Variants in ASTN2 observed in about 807,000 individuals in gnomAD.
ASTN2 encodes the protein astrotactin-2.
Under a neutral mutation model 139.8 loss-of-function variants are expected in ASTN2, and 54 were observed. That is an observed-to-expected ratio of 0.39 (90% CI 0.31 to 0.48). ASTN2 has a LOEUF of 0.48. Ranked by LOEUF, ASTN2 falls within the 20% of genes least tolerant of loss-of-function variation. The pLI is 0.95. For synonymous variants in ASTN2, 756 were observed against 719.5 expected, an observed-to-expected ratio of 1.05 and a Z score of -0.81; for missense variants, 1,565 against 1,725.1, an observed-to-expected ratio of 0.91 and a Z score of 1.64.
intron 11 of ASTN2, among the ~76,000 whole-genome samples, chr9:116,846,980 G>A (rs1316491583): frequency 8.3e-6 from 1 of 120,052 alleles, no homozygotes; most frequent in Admixed American, 1.1e-4. Context: ...CTGTCTTCCA[G>A]GAATTATAAA....
intron 4 of ASTN2, among the ~76,000 whole-genome samples, chr9:117,097,663 G>T (rs1453133303): frequency 6.6e-6 from 1 of 152,080 alleles, no homozygotes; most frequent in Non-Finnish European, 1.5e-5. Flanking sequence ...TAAACTCTTT[G>T]CATCTTTTCA....
chr9:116,989,375 T>A (rs1014556220), intron 7 of ASTN2, among the ~76,000 whole-genome samples: 1 of 152,102 alleles, frequency 6.6e-6, no homozygotes, highest in East Asian at 1.9e-4. Flanking sequence ...AGCTGGATTG[T>A]GTGCTCTTTC....
chr9:117,231,643 A>G (rs1298541925), intron 2 of ASTN2, among the ~76,000 whole-genome samples: 1 of 152,190 alleles, frequency 6.6e-6, no homozygotes, highest in Non-Finnish European at 1.5e-5. Context: ...CCAAGAAGCC[A>G]ACGGTTTAAG....
At position 117,181,122 on chromosome 9, in the gene ASTN2, C is replaced by A. The variant is rs1353231143; in HGVS notation, c.1015+33236G>T. 5 of 866,054 alleles carry A rather than the reference C, an allele frequency of 5.8e-6. No individual in the cohort carries two copies. In the East Asian group the frequency reaches 7.2e-5, roughly 13 times the overall value. 53.6% of individuals were successfully genotyped at this position (866,054 alleles called of 1,614,324 possible). A position where few individuals can be genotyped will look rare whatever the true frequency, so the allele number is the denominator to read the frequency against. On this transcript the variant is annotated intron_variant, in intron 3 of 22. Coordinates refer to ENST00000313400, the MANE Select transcript of ASTN2 (RefSeq NM_001365068.1). ...TACAACAAACAGGCTGCATACACTACCAAGAAAGCTGCTGTTTGCAGCCAT... is the reference window on the plus strand; with the variant it reads ...TACAACAAACAGGCTGCATACACTAACAAGAAAGCTGCTGTTTGCAGCCAT...
At chr9:116,669,364 A>G (rs1859054737) in intron 16 of ASTN2, among the ~76,000 whole-genome samples, 1 of 152,202 alleles carries the variant, frequency 6.6e-6, no homozygotes, top group Non-Finnish European at 1.5e-5. Flanking sequence ...CTACACTTCA[A>G]TAAAAGTTGC....
Position 117,113,148 on chromosome 9 carries a change from T to C in ASTN2, c.1169-16997A>G, listed in dbSNP as rs545620106. On this transcript the variant is annotated intron_variant, in intron 4 of 22. Transcript: ENST00000313400. The stretch of plus-strand genomic sequence containing the variant: ...CATTTACTGCAGATGAAAACATGCA[T>C]CATGTATCCACTTTGGAAAAAAACC... Among the ~76,000 whole-genome samples, 3 of 152,262 alleles carry C rather than the reference T, an allele frequency of 2.0e-5. No individual in the cohort carries two copies. In the South Asian group the frequency reaches 6.2e-4, roughly 32 times the overall value.
intron 10 of ASTN2, among the ~76,000 whole-genome samples, chr9:116,894,690 T>C (rs911612435): frequency 1.3e-5 from 2 of 152,178 alleles, no homozygotes; most frequent in African/African-American, 4.8e-5. Context: ...GTGATTCTTC[T>C]GCCTTGGCCT....
At chr9:116,527,139 T>C (rs570904273) in intron 19 of ASTN2, among the ~76,000 whole-genome samples, 1 of 152,274 alleles carries the variant, frequency 6.6e-6, no homozygotes, top group Admixed American at 6.5e-5. Flanking sequence ...GCAATGATTT[T>C]TTAGATATGA....
At chr9:117,102,810 C>T (rs576354056) in intron 4 of ASTN2, among the ~76,000 whole-genome samples, 2 of 152,232 alleles carry the variant, frequency 1.3e-5, no homozygotes, top group East Asian at 1.9e-4. Flanking sequence ...GCGTGAGTAA[C>T]CGTGCCTGGC....
intron 16 of ASTN2, among the ~76,000 whole-genome samples, chr9:116,671,846 T>A (rs1393807413): frequency 6.6e-6 from 1 of 152,142 alleles, no homozygotes; most frequent in Non-Finnish European, 1.5e-5. Context: ...TGAAAATGGC[T>A]ACTTCCCCAT....
At chr9:117,041,329 C>T (rs927322340) in intron 5 of ASTN2, among the ~76,000 whole-genome samples, 34 of 152,118 alleles carry the variant, frequency 2.2e-4, no homozygotes, top group African/African-American at 8.2e-4. Flanking sequence ...TGTGGCTATC[C>T]AATTAGAATG....
At chr9:116,774,920 C>T (rs1336917787) in intron 13 of ASTN2, among the ~76,000 whole-genome samples, 1 of 152,188 alleles carries the variant, frequency 6.6e-6, no homozygotes, top group Non-Finnish European at 1.5e-5. Flanking sequence ...ATGCATAATG[C>T]ATGGGACCAC....
At chr9:116,988,208 T>C (rs925055757) in intron 7 of ASTN2, among the ~76,000 whole-genome samples, 14 of 152,182 alleles carry the variant, frequency 9.2e-5, no homozygotes, top group South Asian at 4.1e-4. Flanking sequence ...GGAGTCAGAA[T>C]GGAATTAGAG....
chr9:117,073,674 A>C (rs908325633), intron 5 of ASTN2, among the ~76,000 whole-genome samples: 1 of 152,106 alleles, frequency 6.6e-6, no homozygotes, highest in Admixed American at 6.6e-5. Context: ...GAAGGGACAA[A>C]CCACTCCTTC....
chr9:116,574,423 T>A (rs191338765), intron 19 of ASTN2, among the ~76,000 whole-genome samples: 7 of 152,324 alleles, frequency 4.6e-5, no homozygotes, highest in South Asian at 2.1e-4. Flanking sequence ...TGCTCATAAC[T>A]GTTCCCTTTC....
chr9:117,041,056 G>A (rs1364325260), intron 5 of ASTN2, among the ~76,000 whole-genome samples: 1 of 152,118 alleles, frequency 6.6e-6, no homozygotes, highest in Non-Finnish European at 1.5e-5. Context: ...GAGAGTACGG[G>A]GGGTGGTTTT....
intron 19 of ASTN2, among the ~76,000 whole-genome samples, chr9:116,529,768 C>T (rs953195013): frequency 6.6e-6 from 1 of 151,948 alleles, no homozygotes; most frequent in Admixed American, 6.6e-5. Context: ...AAAAGTGTGG[C>T]ACTTCCCTCC....
chr9:116,660,488 T>C (rs1858497520), intron 16 of ASTN2, among the ~76,000 whole-genome samples: 1 of 152,206 alleles, frequency 6.6e-6, no homozygotes, highest in Non-Finnish European at 1.5e-5. Context: ...CTAATAATTT[T>C]AGTACCTAAA....
chr9:116,711,093 T>C lies in ASTN2; in HGVS notation c.2806+14678A>G, dbSNP rs577811861. Among the ~76,000 whole-genome samples, 6 of 152,300 alleles carry C rather than the reference T, an allele frequency of 3.9e-5. No individual in the cohort carries two copies. The East Asian group carries it at 9.6e-4, about 24-fold the overall frequency. ...GAAAGGCCACATACAAATAGGCAAA[T>C]ATACCGTAGACCCTGCATAGAAGGC... On this transcript the variant is annotated intron_variant, in intron 16 of 22. Transcript: ENST00000313400.
Sources: allele counts gnomAD v4.1 joint callset (sites outside exome capture counted in the v4.1 genomes callset), GRCh38; gene constraint gnomAD v4.1.1; transcripts MANE v1.5; gene names NCBI Gene and HGNC (gene_info 2026-07-23, HGNC 2026-07-21).